The following ANK3 variants were observed in gnomAD, a reference collection of about 807,000 sequenced individuals.
ANK3 encodes ankyrin 3.
A neutral mutation model predicts 370.9 loss-of-function variants in ANK3; 57 were observed. The ratio of observed to expected loss-of-function variants is 0.15; its 90% CI spans 0.12 to 0.19. The LOEUF (loss-of-function observed/expected upper bound fraction) is 0.19, where lower values mean the gene tolerates loss of function less well. ANK3 is among the 10% of genes least tolerant of loss of function. The pLI is 1.00. For synonymous variants in ANK3, 1,929 were observed against 1,946.3 expected (o/e 0.99, Z 0.23); for missense variants, 4,439 against 5,302.1 (o/e 0.84, Z 5.06).
chr10:60,586,606 A>G (rs1423536021), intron 2 of ANK3, among the ~76,000 whole-genome samples: 2 of 152,174 alleles, frequency 1.3e-5, no homozygotes, highest in Non-Finnish European at 2.9e-5. Context: ...AGACAGCTTG[A>G]CATCCAACCA....
intron 2 of ANK3, among the ~76,000 whole-genome samples, chr10:60,403,639 G>A (rs544438940): frequency 9.9e-5 from 15 of 152,138 alleles, no homozygotes; most frequent in Non-Finnish European, 1.9e-4. Context: ...CCAGGCCGGA[G>A]TGCAGCGGCG....
At chr10:60,208,873 CAT>C (rs2096803970) in intron 9 of ANK3, among the ~76,000 whole-genome samples, 1 of 152,170 alleles carries the variant, frequency 6.6e-6, no homozygotes, top group Non-Finnish European at 1.5e-5. Context: ...CTGGTGCCCC[CAT>C]GTGTCTATGA....
At chr10:60,547,924 G>GAA (rs201772249) in intron 2 of ANK3, among the ~76,000 whole-genome samples, 5 of 151,462 alleles carry the variant, frequency 3.3e-5, no homozygotes, top group African/African-American at 9.7e-5. Context: ...TAATTTCTAA[G>GAA]AAAAAAAACT....
chr10:60,349,044 G>A (rs903899185), intron 1 of ANK3, among the ~76,000 whole-genome samples: 2 of 148,940 alleles, frequency 1.3e-5, no homozygotes, highest in Non-Finnish European at 3.0e-5. Context: ...TGCTCCAAGG[G>A]TGAGTAAGTG....
Position 60,573,239 on chromosome 10 carries a change from T to C in ANK3, c.96+41947A>G, listed in dbSNP as rs557678019. On this transcript the variant is annotated intron_variant, in intron 2 of 43. Coordinates refer to the ANK3 transcript ENST00000373827. ...TCCATGATTACTCTTTTTTTTTTAATGTGACATGCAAAAAAGATGCCAATC... is the reference window on the plus strand; with the variant it reads ...TCCATGATTACTCTTTTTTTTTTAACGTGACATGCAAAAAAGATGCCAATC... 1.4e-3 allele frequency among the ~76,000 whole-genome samples: 207 copies of C among 152,170 alleles called. 2 individuals are homozygous for C. Among genetic ancestry groups the C allele is most frequent in the African/African-American group, 4.8e-3 (198 of 41,506 alleles).
chr10:60,523,435 T>C lies in ANK3; in HGVS notation c.96+91751A>G, dbSNP rs572566809. ...TCCCCGGAGTGTGATGTTCCCCTTCTTGTGTCCATGTGTTCTCATTGTTCA... is the reference window on the plus strand; with the variant it reads ...TCCCCGGAGTGTGATGTTCCCCTTCCTGTGTCCATGTGTTCTCATTGTTCA... On this transcript the variant is annotated intron_variant, in intron 2 of 43. Transcript: ENST00000373827. Among the ~76,000 whole-genome samples, 107 of 128,988 alleles carry C rather than the reference T, an allele frequency of 8.3e-4. No homozygotes were observed. The East Asian group carries it at 0.024, about 29-fold the overall frequency. The allele number at this position is 128,988 out of a possible 152,430, so 84.6% of individuals were successfully genotyped here.
At chr10:60,675,421 G>A (rs760772649) in intron 1 of ANK3, among the ~76,000 whole-genome samples, 7 of 152,094 alleles carry the variant, frequency 4.6e-5, no homozygotes, top group Non-Finnish European at 1.0e-4. Context: ...ACCCAATATA[G>A]CCAAGAACAT....
chr10:60,479,455 A>G (rs1207054728), intron 2 of ANK3, among the ~76,000 whole-genome samples: 1 of 152,172 alleles, frequency 6.6e-6, no homozygotes, highest in East Asian at 1.9e-4. Flanking sequence ...TGATATTTGC[A>G]TGACAAAACT....
chr10:60,517,449 G>A, intron 2 of ANK3, among the ~76,000 whole-genome samples: 1 of 152,072 alleles, frequency 6.6e-6, no homozygotes, highest in Non-Finnish European at 1.5e-5. Flanking sequence ...TCCTGAACAT[G>A]CTCCATCTCA....
intron 1 of ANK3, among the ~76,000 whole-genome samples, chr10:60,724,272 C>T (rs1161512211): frequency 1.3e-5 from 2 of 149,760 alleles, no homozygotes; most frequent in Admixed American, 1.3e-4. Context: ...AGGAACATAG[C>T]CCTGCTGATC....
chr10:60,255,026 T>C (rs1260291128), intron 7 of ANK3, among the ~76,000 whole-genome samples: 1 of 152,160 alleles, frequency 6.6e-6, no homozygotes, highest in East Asian at 1.9e-4. Flanking sequence ...GCATGTGAGA[T>C]GAAAAACAGG....
At chr10:60,132,761 T>C (rs914264034) in intron 25 of ANK3, among the ~76,000 whole-genome samples, 1 of 151,886 alleles carries the variant, frequency 6.6e-6, no homozygotes, top group African/African-American at 2.4e-5. Context: ...AGATTACAGA[T>C]GCCCACCACG....
At position 60,689,754 on chromosome 10, in the gene ANK3, C is replaced by CCA. The variant is rs1554810022; in HGVS notation, c.57+43508_57+43509insTG. ...TGGGTGATGGAGCAAGACTTCATCT[C>CCA]AAAAAAAAAAAAAAAGAATGAACTA... On this transcript the variant is annotated intron_variant, in intron 1 of 43. Transcript: ENST00000373827. Among the ~76,000 whole-genome samples, 4 of 108,294 alleles carry CCA rather than the reference C, an allele frequency of 3.7e-5. No homozygotes were observed. In the East Asian group the frequency reaches 1.0e-3, roughly 28 times the overall value. 71.0% of individuals were successfully genotyped at this position (108,294 alleles called of 152,430 possible). A position where few individuals can be genotyped will look rare whatever the true frequency, so the allele number is the denominator to read the frequency against.
At chr10:60,457,453 T>C (rs571867038) in intron 2 of ANK3, among the ~76,000 whole-genome samples, 2 of 152,290 alleles carry the variant, frequency 1.3e-5, no homozygotes, top group East Asian at 3.9e-4. Context: ...AAGCCTGGAA[T>C]TTATAGAATA....
chr10:60,085,138 G>A lies in ANK3; in HGVS notation c.3845+19C>T. 6.3e-7 allele frequency: 1 copy of A among 1,580,280 alleles called. No individual in the cohort carries two copies. The highest frequency in any genetic ancestry group is 8.6e-7 in the Non-Finnish European group (1 of 1,159,402). On this transcript the variant is annotated intron_variant, in intron 31 of 43. Coordinates refer to ENST00000280772, the MANE Select transcript of ANK3 (RefSeq NM_020987.5). Reference sequence around the variant, plus strand: ...AAAACTAATTCCTTACTGCTTTTTGGAATCCTTTATTTCCATACCTGGCTG... The same window carrying A: ...AAAACTAATTCCTTACTGCTTTTTGAAATCCTTTATTTCCATACCTGGCTG...
chr10:60,666,628 T>C (rs1398484755), intron 1 of ANK3, among the ~76,000 whole-genome samples: 1 of 152,184 alleles, frequency 6.6e-6, no homozygotes, highest in African/African-American at 2.4e-5. Context: ...TTCTTAAGTG[T>C]AGAAAACTTA....
chr10:60,446,733 G>A, intron 2 of ANK3, among the ~76,000 whole-genome samples: 1 of 152,070 alleles, frequency 6.6e-6, no homozygotes, highest in East Asian at 1.9e-4. Context: ...TTTATTTGGA[G>A]GTTTATCTGT....
intron 23 of ANK3, among the ~76,000 whole-genome samples, chr10:60,165,610 C>G (rs1355364621): frequency 6.6e-6 from 1 of 152,090 alleles, no homozygotes; most frequent in Non-Finnish European, 1.5e-5. Flanking sequence ...ACTAGGCAAG[C>G]TTTTCCACTA....
intron 1 of ANK3, among the ~76,000 whole-genome samples, chr10:60,369,758 T>G (rs549548491): frequency 6.6e-6 from 1 of 152,332 alleles, no homozygotes; most frequent in East Asian, 1.9e-4. Flanking sequence ...GTTTGTCTAC[T>G]TCGACTCTTA....
Sources: allele counts gnomAD v4.1 joint callset (sites outside exome capture counted in the v4.1 genomes callset), GRCh38; gene constraint gnomAD v4.1.1; transcripts MANE v1.5; gene names NCBI Gene and HGNC (gene_info 2026-07-23, HGNC 2026-07-21).